The following SUGCT variants were observed in gnomAD, a reference collection of about 807,000 sequenced individuals.
The protein encoded by SUGCT is succinyl-CoA:glutarate CoA-transferase.
SUGCT carries 41 observed loss-of-function variants against 55.0 expected under a neutral mutation model. The ratio of observed to expected loss-of-function variants is 0.74; its 90% CI spans 0.58 to 0.97. The LOEUF (loss-of-function observed/expected upper bound fraction) is 0.97, where lower values mean the gene tolerates loss of function less well. Ranked by LOEUF, SUGCT falls within the 50% of genes least tolerant of loss-of-function variation. SUGCT has a pLI of 0.00. For synonymous variants in SUGCT, 187 were observed against 200.4 expected, an observed-to-expected ratio of 0.93 and a Z score of 0.56; for missense variants, 568 against 547.8, an observed-to-expected ratio of 1.04 and a Z score of -0.37.
In SUGCT at chr7:40,316,955, G is replaced by GTTTTTTTTTTTTTTTTTTTTT. The variant is rs56989808; in HGVS notation, c.816+118_816+119insTTTTTTTTTTTTTTTTTTTTT. 5.8e-4 allele frequency: 100 copies of GTTTTTTTTTTTTTTTTTTTTT among 173,510 alleles called. 3 individuals carry two copies. Among genetic ancestry groups the GTTTTTTTTTTTTTTTTTTTTT allele is most frequent in the Non-Finnish European group, 7.8e-4 (73 of 93,510 alleles). 10.7% of individuals were successfully genotyped at this position (173,510 alleles called of 1,614,324 possible). ...CTTTTTATACACAAATCCTTCAGCTGTTTTTTTTTTTTTTTTTTGTAATGT... is the reference window on the plus strand; with the variant it reads ...CTTTTTATACACAAATCCTTCAGCTGTTTTTTTTTTTTTTTTTTTTTTTTTTTTTTTTTTTTTTTGTAATGT... On this transcript the variant is annotated intron_variant, in intron 9 of 13. Coordinates refer to ENST00000335693, the MANE Select transcript of SUGCT (RefSeq NM_001193313.2).
At chr7:40,628,942 ATG>A (rs1440406697) in intron 12 of SUGCT, among the ~76,000 whole-genome samples, 3 of 152,064 alleles carry the variant, frequency 2.0e-5, no homozygotes, top group Admixed American at 6.6e-5. Flanking sequence ...GGGTTTCACC[ATG>A]TTGGCCAGGC....
chr7:40,238,131 C>T (rs1277981372), intron 7 of SUGCT, among the ~76,000 whole-genome samples: 1 of 152,160 alleles, frequency 6.6e-6, no homozygotes, highest in African/African-American at 2.4e-5. Flanking sequence ...TCCATTTCTA[C>T]TAGAGTGCCT....
chr7:40,153,927 A>G (rs1260699033), intron 1 of SUGCT: 2 of 373,764 alleles, frequency 5.4e-6, no homozygotes, highest in Non-Finnish European at 1.1e-5. Flanking sequence ...CACCTTGCCT[A>G]TGGGAGATGA....
At chr7:40,957,240 G>A in the SUGCT span, among the ~76,000 whole-genome samples, 2 of 152,104 alleles carry the variant, frequency 1.3e-5, no homozygotes, top group African/African-American at 2.4e-5. Flanking sequence ...CACTATTATT[G>A]TGTGGGAGTC....
chr7:41,033,075 A>G, the SUGCT span, among the ~76,000 whole-genome samples: 2 of 152,164 alleles, frequency 1.3e-5, no homozygotes, highest in Non-Finnish European at 2.9e-5. Context: ...AAACACCCCA[A>G]TTTAAGCCCC....
intron 6 of SUGCT, among the ~76,000 whole-genome samples, chr7:40,222,193 AG>A (rs1229845227): frequency 6.6e-6 from 1 of 152,262 alleles, no homozygotes; most frequent in African/African-American, 2.4e-5. Flanking sequence ...AGTGTAAAAA[AG>A]TCTGGTGGTG....
chr7:40,639,567 T>A (rs552123315), intron 12 of SUGCT, among the ~76,000 whole-genome samples: 1 of 150,162 alleles, frequency 6.7e-6, no homozygotes, highest in South Asian at 2.1e-4. Context: ...CAGGCTGGAG[T>A]GCAGTGGCGC....
rs1794456482 is a variant in SUGCT at position 40,860,590 on chromosome 7, G to A, written c.*111G>A. On this transcript the variant is annotated 3_prime_UTR_variant, in exon 14 of 14. Transcript: ENST00000335693. ...GATACCACTAAAAAGAAGATTTAGA[G>A]TAACTCCAGATTTCTTACATGGCAT... is the stretch of plus-strand genomic sequence containing the variant. 2 of 1,167,320 alleles carry A rather than the reference G, an allele frequency of 1.7e-6. No individual in the cohort carries two copies. The highest frequency in any genetic ancestry group is 2.3e-6 in the Non-Finnish European group (2 of 863,428). The allele number at this position is 1,167,320 out of a possible 1,614,324, so 72.3% of individuals were successfully genotyped here. A position where few individuals can be genotyped will look rare whatever the true frequency, so the allele number is the denominator to read the frequency against.
At chr7:40,713,831 C>T (rs1226429274) in intron 12 of SUGCT, among the ~76,000 whole-genome samples, 1 of 152,164 alleles carries the variant, frequency 6.6e-6, no homozygotes, top group Non-Finnish European at 1.5e-5. Context: ...TCTCCCAATG[C>T]TCCCCATCAC....
chr7:40,318,922 C>T lies in SUGCT; in HGVS notation c.816+2067C>T, dbSNP rs182486003. On this transcript the variant is annotated intron_variant, in intron 9 of 13. Coordinates refer to ENST00000335693, the MANE Select transcript of SUGCT (RefSeq NM_001193313.2). ...AAGCTTTATATAGACCTCAGCTATTCCTTCTGGGCATGTGCACCTAGAGTT... is the reference window on the plus strand; with the variant it reads ...AAGCTTTATATAGACCTCAGCTATTTCTTCTGGGCATGTGCACCTAGAGTT... Among the ~76,000 whole-genome samples the T allele has an allele frequency of 9.8e-4, 150 of 152,300 alleles. 1 individual carries two copies. Among genetic ancestry groups the T allele is most frequent in the Non-Finnish European group, 1.8e-3 (124 of 68,016 alleles).
At chr7:40,904,385 G>T in the SUGCT span, among the ~76,000 whole-genome samples, 1 of 152,188 alleles carries the variant, frequency 6.6e-6, no homozygotes, top group Non-Finnish European at 1.5e-5. Context: ...CCAATGTGGG[G>T]TTCATCTGAT....
intron 12 of SUGCT, among the ~76,000 whole-genome samples, chr7:40,503,073 C>T (rs1792377538): frequency 6.6e-6 from 1 of 152,008 alleles, no homozygotes; most frequent in African/African-American, 2.4e-5. Context: ...TATCTTTTCT[C>T]ATACAAATAA....
intron 12 of SUGCT, among the ~76,000 whole-genome samples, chr7:40,625,388 A>G (rs901830424): frequency 6.6e-6 from 1 of 152,082 alleles, no homozygotes; most frequent in Admixed American, 6.6e-5. Flanking sequence ...CATGTTCTTA[A>G]AAATTCTGAA....
intron 13 of SUGCT, among the ~76,000 whole-genome samples, chr7:40,854,460 CTTTCTTTCTT>C (rs761995394): frequency 4.3e-5 from 6 of 138,860 alleles, no homozygotes; most frequent in Non-Finnish European, 7.8e-5. Flanking sequence ...TTCTTTCTTT[CTTTCTTTCTT>C]TCTTTCTCTT....
intron 1 of SUGCT, 129 bp from the exon 2 acceptor site, chr7:40,180,818 T>G: frequency 1.4e-6 from 1 of 694,732 alleles, no homozygotes; most frequent in South Asian, 1.9e-5. Context: ...TAGAGTCTTG[T>G]GGTCTGTGGA....
intron 9 of SUGCT, among the ~76,000 whole-genome samples, chr7:40,398,841 A>G (rs1173228516): frequency 1.3e-5 from 2 of 152,214 alleles, no homozygotes; most frequent in Non-Finnish European, 2.9e-5. Context: ...TTGAATTATA[A>G]GAAGGATGAC....
chr7:40,293,876 ACT>A (rs1272226214), intron 8 of SUGCT, among the ~76,000 whole-genome samples: 1 of 152,180 alleles, frequency 6.6e-6, no homozygotes, highest in Non-Finnish European at 1.5e-5. Context: ...ATAGTTCTGT[ACT>A]TAATGTCTTT....
At chr7:40,291,047 A>C (rs1359383980) in intron 8 of SUGCT, among the ~76,000 whole-genome samples, 1 of 152,148 alleles carries the variant, frequency 6.6e-6, no homozygotes, top group African/African-American at 2.4e-5. Context: ...ACACTTTTAC[A>C]CTGTTGGTGG....
At chr7:40,307,811 A>G (rs1794918383) in intron 8 of SUGCT, among the ~76,000 whole-genome samples, 1 of 98,472 alleles carries the variant, frequency 1.0e-5, no homozygotes, top group African/African-American at 2.9e-5. Context: ...GTTATTCTGA[A>G]AAAACTGTTC....
Sources: gnomAD v4.1 joint callset for allele counts (sites outside exome capture counted in the v4.1 genomes callset) on GRCh38, gnomAD v4.1.1 for gene constraint, MANE v1.5 for transcripts, NCBI Gene and HGNC (gene_info 2026-07-23, HGNC 2026-07-21) for gene names.